The following ANXA4 variants were observed in gnomAD, a reference collection of about 807,000 sequenced individuals.
The protein encoded by ANXA4 is 35-beta calcimedin.
A neutral mutation model predicts 49.8 loss-of-function variants in ANXA4; 39 were observed. The ratio of observed to expected loss-of-function variants is 0.78; its 90% CI spans 0.61 to 1.02. The LOEUF (loss-of-function observed/expected upper bound fraction) is 1.02. Among genes scored for constraint, ANXA4 ranks in the 50% least tolerant of loss-of-function variants. The probability of loss-of-function intolerance (pLI) is 0.00; values close to 1 mark genes in which losing one functional copy is unlikely to be tolerated. For synonymous variants in ANXA4, 134 were observed against 152.5 expected, an observed-to-expected ratio of 0.88 and a Z score of 0.89; for missense variants, 360 against 410.1, an observed-to-expected ratio of 0.88 and a Z score of 1.05.
At chr2:69,722,378 T>C (rs1401633459) in intron 3 of ANXA4, among the ~76,000 whole-genome samples, 1 of 152,216 alleles carries the variant, frequency 6.6e-6, no homozygotes, top group East Asian at 1.9e-4. Flanking sequence ...CAAGTGTCCA[T>C]CAACAGATGA....
At chr2:69,643,928 A>C, upstream of ANXA4, 2 of 1,135,054 alleles carry the variant, frequency 1.8e-6, no homozygotes, top group Non-Finnish European at 2.2e-6. Flanking sequence ...AGAGGGTCTC[A>C]GTGCAGACAG....
chr2:69,654,830 T>C (rs894089553), intron 2 of ANXA4, among the ~76,000 whole-genome samples: 4 of 152,278 alleles, frequency 2.6e-5, no homozygotes, highest in Non-Finnish European at 4.4e-5. Flanking sequence ...AAAACAGATA[T>C]ATAGACCAAT....
At chr2:69,742,625 T>C (rs1670444102) in intron 1 of ANXA4, among the ~76,000 whole-genome samples, 1 of 152,214 alleles carries the variant, frequency 6.6e-6, no homozygotes, top group Non-Finnish European at 1.5e-5. Flanking sequence ...ACCACTTTCT[T>C]ACCTTCTCGT....
chr2:69,810,337 T>C, intron 6 of ANXA4: 2 of 418,326 alleles, frequency 4.8e-6, no homozygotes, highest in South Asian at 4.7e-5. Context: ...CCAGACTCCA[T>C]CCAGCCTGGG....
Position 69,656,017 on chromosome 2 carries a change from G to A in ANXA4, n.766+2735G>A, listed in dbSNP as rs575977493. ...AGGGAGGGGAACATCACACACTGGG[G>A]CCTGTCAGTGGGTAGGGAGCTAAGG... On this transcript the variant is annotated intron_variant and non_coding_transcript_variant, in intron 2 of 3. Coordinates refer to the ANXA4 transcript ENST00000418066. Among the ~76,000 whole-genome samples the A allele has an allele frequency of 2.9e-4, 44 of 151,962 alleles. 1 individual carries two copies. Among genetic ancestry groups the A allele is most frequent in the African/African-American group, 1.0e-3 (42 of 41,456 alleles).
intron 1 of ANXA4, among the ~76,000 whole-genome samples, chr2:69,766,301 GA>G (rs1337526941): frequency 3.3e-5 from 5 of 152,216 alleles, no homozygotes; most frequent in African/African-American, 9.6e-5. Context: ...AACAGTAATA[GA>G]AGAATAGCTA....
At chr2:69,731,430 G>A (rs1048239944) in intron 3 of ANXA4, among the ~76,000 whole-genome samples, 1 of 152,094 alleles carries the variant, frequency 6.6e-6, no homozygotes, top group Non-Finnish European at 1.5e-5. Flanking sequence ...GCTGACTCTC[G>A]CCCTGGACTA....
At chr2:69,761,003 T>TAAA (rs199708653) in intron 1 of ANXA4, among the ~76,000 whole-genome samples, 76,731 of 150,304 alleles carry the variant, frequency 0.51, 20,006 homozygotes, top group East Asian at 0.79. Flanking sequence ...CTCTATTAAA[T>TAAA]TAATTAATTA....
At position 69,723,022 on chromosome 2, in the gene ANXA4, AAT is replaced by A. The variant is rs550066124; in HGVS notation, n.864+2170_864+2171del. 1.6e-3 allele frequency among the ~76,000 whole-genome samples: 236 copies of A among 145,374 alleles called. 1 individual carries two copies. Among genetic ancestry groups the A allele is most frequent in the African/African-American group, 3.9e-3 (156 of 40,224 alleles). ...TCCATCTCTACTAAAAATACCAAAA[AAT>A]ATATATATATATATATATTAGCCGG... On this transcript the variant is annotated intron_variant and non_coding_transcript_variant, in intron 3 of 3. Coordinates refer to the ANXA4 transcript ENST00000418066.
At chr2:69,750,474 A>G (rs1166897060) in intron 1 of ANXA4, among the ~76,000 whole-genome samples, 3 of 152,202 alleles carry the variant, frequency 2.0e-5, no homozygotes, top group Non-Finnish European at 2.9e-5. Flanking sequence ...GTGCAGTGGC[A>G]CAACAATGGC....
intron 1 of ANXA4, among the ~76,000 whole-genome samples, chr2:69,648,029 C>T (rs1170059474): frequency 8.5e-5 from 13 of 152,108 alleles, no homozygotes. Context: ...ATGATTTGAC[C>T]TGTGGTACAC....
intron 1 of ANXA4, among the ~76,000 whole-genome samples, chr2:69,645,665 G>A (rs4852898): frequency 0.2 from 30,869 of 152,084 alleles, 3,770 homozygotes; most frequent in South Asian, 0.29. Context: ...TATGCTTAAG[G>A]TAGCTAACAT....
Position 69,806,499 on chromosome 2 carries a change from G to C in ANXA4, c.306+1G>C. On this transcript the variant is annotated splice_donor_variant, in intron 5 of 12. Transcript: ENST00000394295. LOFTEE classifies it high-confidence loss of function. Reference sequence around the variant, plus strand: ...GCAAGAGCTGCGAAGGGCCATGAAGGTCTGTGCTCTTCCTCTCGTGCTCTT... The same window carrying C: ...GCAAGAGCTGCGAAGGGCCATGAAGCTCTGTGCTCTTCCTCTCGTGCTCTT... 6.2e-7 allele frequency: 1 copy of C among 1,611,858 alleles called. No homozygotes were observed. The highest frequency in any genetic ancestry group is 8.5e-7 in the Non-Finnish European group (1 of 1,177,968).
At chr2:69,816,441 A>G (rs940753444) in intron 9 of ANXA4, 4 of 373,084 alleles carry the variant, frequency 1.1e-5, no homozygotes, top group Non-Finnish European at 2.0e-5. Context: ...TCTTGTTTCT[A>G]GGAAACTGAC....
At chr2:69,687,582 G>A (rs553128779) in intron 2 of ANXA4, among the ~76,000 whole-genome samples, 3 of 152,234 alleles carry the variant, frequency 2.0e-5, no homozygotes, top group African/African-American at 7.2e-5. Flanking sequence ...TATCTAAAGA[G>A]GAATGGGCTG....
intron 3 of ANXA4, among the ~76,000 whole-genome samples, chr2:69,726,428 A>G (rs1464221341): frequency 1.3e-5 from 2 of 152,226 alleles, no homozygotes; most frequent in Non-Finnish European, 2.9e-5. Context: ...TCAGCTCAGG[A>G]GTTTAACTCA....
intron 2 of ANXA4, among the ~76,000 whole-genome samples, chr2:69,673,687 GACACACACACACACACACAC>G (rs72114703): frequency 1.1e-4 from 15 of 139,128 alleles, no homozygotes; most frequent in South Asian, 4.8e-4. Context: ...TTTTTTCAAA[GACACACACACACACACACAC>G]ACACACACAC....
At chr2:69,766,131 C>T (rs1259281918) in intron 1 of ANXA4, among the ~76,000 whole-genome samples, 1 of 152,134 alleles carries the variant, frequency 6.6e-6, no homozygotes, top group Non-Finnish European at 1.5e-5. Flanking sequence ...CCAAAAGAAC[C>T]ACAAAGGAAT....
chr2:69,763,823 T>C (rs2105533010), intron 1 of ANXA4, among the ~76,000 whole-genome samples: 1 of 152,140 alleles, frequency 6.6e-6, no homozygotes, highest in East Asian at 1.9e-4. Flanking sequence ...CCACCACGCC[T>C]GGCTAATTTT....
Sources: allele counts gnomAD v4.1 joint callset (sites outside exome capture counted in the v4.1 genomes callset), GRCh38; gene constraint gnomAD v4.1.1; transcripts MANE v1.5; gene names NCBI Gene and HGNC (gene_info 2026-07-23, HGNC 2026-07-21).